The following NFAT5 variants were observed in gnomAD, a reference collection of about 807,000 sequenced individuals.
NFAT5 encodes nuclear factor of activated T-cells 5.
A neutral mutation model predicts 166.5 loss-of-function variants in NFAT5; 31 were observed. The observed-to-expected ratio is 0.19, with a 90% CI of 0.14 to 0.25. The LOEUF (loss-of-function observed/expected upper bound fraction) is 0.25. NFAT5 is among the 10% of genes least tolerant of loss of function. NFAT5 has a pLI of 1.00. For synonymous variants in NFAT5, 612 were observed against 639.7 expected, an observed-to-expected ratio of 0.96 and a Z score of 0.65; for missense variants, 1,449 against 1,821.8, an observed-to-expected ratio of 0.80 and a Z score of 3.72.
intron 2 of NFAT5, among the ~76,000 whole-genome samples, chr16:69,576,748 C>T (rs1210724360): frequency 6.6e-6 from 1 of 152,138 alleles, no homozygotes; most frequent in Non-Finnish European, 1.5e-5. Context: ...GTAGTCCCAG[C>T]TACTTGGGAG....
intron 2 of NFAT5, among the ~76,000 whole-genome samples, chr16:69,583,859 C>T (rs953428461): frequency 6.6e-6 from 1 of 152,052 alleles, no homozygotes; most frequent in African/African-American, 2.4e-5. Context: ...TTATATGTAA[C>T]CTACAAGTAG....
intron 3 of NFAT5, among the ~76,000 whole-genome samples, chr16:69,630,028 CCAGGTT>C (rs1338264436): frequency 3.0e-4 from 45 of 152,008 alleles, no homozygotes; most frequent in Non-Finnish European, 1.8e-4. Flanking sequence ...CCTCCACCTC[CCAGGTT>C]CAAGCAGTTC....
Position 69,677,301 on chromosome 16 carries a change from T to C in NFAT5, c.1656T>C (p.His552=). Residue 552 remains histidine (H), a synonymous_variant, in exon 10 of 15, where the codon CAT becomes CAC. Transcript: ENST00000349945. ...TAGTGACAAATGCTGGAAGATCTCATGATGTTCAACCATTCACTTACACTC... is the reference window on the plus strand; with the variant it reads ...TAGTGACAAATGCTGGAAGATCTCACGATGTTCAACCATTCACTTACACTC... ...IYVVTNAGRS[H]DVQPFTYTPD... The C allele has an allele frequency of 6.2e-7, 1 of 1,612,002 alleles. No individual in the cohort carries two copies. The highest frequency in any genetic ancestry group is 1.1e-5 in the South Asian group (1 of 90,378).
chr16:69,611,534 T>TA (rs2033702847), intron 2 of NFAT5, among the ~76,000 whole-genome samples: 1 of 152,204 alleles, frequency 6.6e-6, no homozygotes, highest in Non-Finnish European at 1.5e-5. Flanking sequence ...ACAATAGAAA[T>TA]GTATTGCTGA....
chr16:69,572,229 T>C (rs1033255853), intron 2 of NFAT5, among the ~76,000 whole-genome samples: 3 of 152,206 alleles, frequency 2.0e-5, no homozygotes, highest in Non-Finnish European at 2.9e-5. Context: ...GCTAATTAAT[T>C]AATGTTATAA....
At chr16:69,679,737 A>G (rs143145754) in intron 10 of NFAT5, among the ~76,000 whole-genome samples, 1 of 152,232 alleles carries the variant, frequency 6.6e-6, no homozygotes, top group Non-Finnish European at 1.5e-5. Context: ...AGGAGAAAGA[A>G]GATTGGCTTA....
Position 69,566,276 on chromosome 16 carries a change from C to G in NFAT5, c.-26C>G. The G allele has an allele frequency of 1.3e-6, 2 of 1,591,300 alleles. No homozygotes were observed. Among genetic ancestry groups the G allele is most frequent in the Non-Finnish European group, 1.7e-6 (2 of 1,171,366 alleles). ...CCGCCGCTCCCCCCCTCCCGCTGCC[C>G]TCGGGCCGGGCTGGGTCGAGCTGCG... On this transcript the variant is annotated 5_prime_UTR_variant, in exon 1 of 15. Coordinates refer to ENST00000349945, the MANE Select transcript of NFAT5 (RefSeq NM_138713.4). This position sits in a 1 kb window ranked among gnomAD's most constrained non-coding sequence, Gnocchi z 5.7.
intron 2 of NFAT5, among the ~76,000 whole-genome samples, chr16:69,608,892 C>T (rs940690050): frequency 2.6e-5 from 4 of 151,542 alleles, no homozygotes; most frequent in African/African-American, 7.3e-5. Context: ...GAGGCCAAGG[C>T]GGGCGGATCA....
rs757333746 is a variant in NFAT5, at chr16:69,692,205, C to G, written c.2380C>G (p.Gln794Glu). The G allele has an allele frequency of 4.8e-5, 78 of 1,614,072 alleles. No homozygotes were observed. Among genetic ancestry groups the G allele is most frequent in the Non-Finnish European group, 6.2e-5 (73 of 1,180,056 alleles). The change falls in exon 13 of 15, where the codon CAG (glutamine) becomes GAG (glutamate). Residue 794 changes from glutamine to glutamate, a missense_variant. Gln to Glu is a conservative substitution (Grantham distance 29). Coordinates refer to ENST00000349945, the MANE Select transcript of NFAT5 (RefSeq NM_138713.4). ...NSVSQLQNTI[Q>E]QLQAGSFTGS... ...TGTGAGTCAGCTTCAGAATACTATT[C>G]AGCAGCTGCAAGCAGGGAGTTTCAC...
chr16:69,603,127 T>C (rs1269304908), intron 2 of NFAT5, among the ~76,000 whole-genome samples: 1 of 152,114 alleles, frequency 6.6e-6, no homozygotes, highest in East Asian at 1.9e-4. Context: ...CTATAGAAAA[T>C]AGACTAAAAT....
intron 2 of NFAT5, among the ~76,000 whole-genome samples, chr16:69,582,755 G>A (rs952977756): frequency 6.7e-6 from 1 of 149,050 alleles, no homozygotes; most frequent in African/African-American, 2.5e-5. Context: ...ACCATATTGT[G>A]TTATTACTGT....
Position 69,703,886 on chromosome 16 carries a change from C to T in NFAT5, c.*7535C>T, listed in dbSNP as rs2037939237. 1 of 152,602 alleles carries T rather than the reference C, an allele frequency of 6.6e-6. No homozygotes were observed. Among genetic ancestry groups the T allele is most frequent in the Non-Finnish European group, 1.5e-5 (1 of 68,056 alleles). The allele number at this position is 152,602 out of a possible 1,614,324, so 9.5% of individuals were successfully genotyped here. A position where few individuals can be genotyped will look rare whatever the true frequency, so the allele number is the denominator to read the frequency against. ...TTAACCATATGACCCTGCTTGCTTA[C>T]TCATATTCTCCCTCCCTCTCCCCTT... On this transcript the variant is annotated 3_prime_UTR_variant, in exon 15 of 15. Transcript: ENST00000349945.
At chr16:69,675,144 G>T (rs1438987985) in intron 9 of NFAT5, among the ~76,000 whole-genome samples, 2 of 152,172 alleles carry the variant, frequency 1.3e-5, no homozygotes, top group African/African-American at 2.4e-5. Flanking sequence ...TTTTTAAAAG[G>T]TTTCAAAATT....
chr16:69,683,480 G>A (rs1043660126), intron 10 of NFAT5, among the ~76,000 whole-genome samples: 1 of 152,022 alleles, frequency 6.6e-6, no homozygotes, highest in South Asian at 2.1e-4. Flanking sequence ...GCAGTGAGCC[G>A]TTATCACGCC....
At chr16:69,654,362 G>A (rs1038898090) in intron 5 of NFAT5, among the ~76,000 whole-genome samples, 1 of 152,056 alleles carries the variant, frequency 6.6e-6, no homozygotes, top group Non-Finnish European at 1.5e-5. Flanking sequence ...TGAAACTCTG[G>A]ATCAATCAGG....
chr16:69,588,287 T>G (rs2151521071), intron 2 of NFAT5, among the ~76,000 whole-genome samples: 1 of 152,288 alleles, frequency 6.6e-6, no homozygotes, highest in Admixed American at 6.5e-5. Flanking sequence ...AATTTCCTGA[T>G]AGATAACCTG....
At chr16:69,603,605 A>T (rs1200214485) in intron 2 of NFAT5, among the ~76,000 whole-genome samples, 2 of 152,158 alleles carry the variant, frequency 1.3e-5, no homozygotes, top group African/African-American at 4.8e-5. Flanking sequence ...TACAAAAATT[A>T]GCCGGGCATG....
chr16:69,636,747 C>G (rs2034984093), intron 3 of NFAT5, among the ~76,000 whole-genome samples: 1 of 152,088 alleles, frequency 6.6e-6, no homozygotes, highest in Non-Finnish European at 1.5e-5. Context: ...GCATGGGGAC[C>G]CTGGGCCCAG....
chr16:69,658,857 AC>A (rs1286926979), intron 6 of NFAT5, among the ~76,000 whole-genome samples: 1 of 152,044 alleles, frequency 6.6e-6, no homozygotes. Context: ...TAAATAAAAA[AC>A]AACTTCCTGG....
Sources: allele counts gnomAD v4.1 joint callset (sites outside exome capture counted in the v4.1 genomes callset), GRCh38; gene constraint gnomAD v4.1.1; non-coding constraint Gnocchi (gnomAD v3.1); transcripts MANE v1.5; gene names NCBI Gene and HGNC (gene_info 2026-07-23, HGNC 2026-07-21).